The following STK33 variants were observed in gnomAD, a reference collection of about 807,000 sequenced individuals.
STK33 encodes serine/threonine kinase 33, also known as serine/threonine-protein kinase 33.
Under a neutral mutation model 58.0 loss-of-function variants are expected in STK33, and 52 were observed. The observed-to-expected ratio is 0.90, with a 90% confidence interval of 0.72 to 1.13. STK33 has a LOEUF of 1.13. Ranked by LOEUF, STK33 falls within the 50% of genes most tolerant of loss-of-function variation. The probability of loss-of-function intolerance (pLI) is 0.00; values close to 1 mark genes in which losing one functional copy is unlikely to be tolerated. For missense variants in STK33, 630 were observed against 604.2 expected (o/e 1.04, Z -0.45); for synonymous variants, 215 against 200.1 (o/e 1.07, Z -0.63).
chr11:8,420,625 C>T (rs1045890223), intron 14 of STK33, among the ~76,000 whole-genome samples: 4 of 152,198 alleles, frequency 2.6e-5, no homozygotes, highest in African/African-American at 9.6e-5. Flanking sequence ...CCTGAGGTGA[C>T]TGCTATCCAG....
rs187336420 is a variant in STK33, at chr11:8,468,937, C to T, written c.340-4115G>A. ...CAATAGCATTATGTCTAAAAATGTA[C>T]ACAAAATTTTAAAATGCTGCATTGC... On this transcript the variant is annotated intron_variant, in intron 6 of 15. Coordinates refer to ENST00000687296, the MANE Select transcript of STK33 (RefSeq NM_001352389.2). Among the ~76,000 whole-genome samples, 443 of 152,098 alleles carry T rather than the reference C, an allele frequency of 2.9e-3. 1 individual carries two copies. Among genetic ancestry groups the T allele is most frequent in the African/African-American group, 0.01 (426 of 41,512 alleles).
intron 14 of STK33, among the ~76,000 whole-genome samples, chr11:8,416,675 T>C (rs1941177553): frequency 6.6e-6 from 1 of 152,184 alleles, no homozygotes; most frequent in Admixed American, 6.5e-5. Context: ...CCCAAGAGCT[T>C]GGTAGCTGAG....
intron 1 of STK33, among the ~76,000 whole-genome samples, chr11:8,562,262 T>C (rs763911409): frequency 3.2e-4 from 49 of 152,194 alleles, no homozygotes; most frequent in Admixed American, 2.0e-3. Flanking sequence ...ACATAGCTCA[T>C]TGTCATTTCT....
chr11:8,589,179 T>G (rs983766471), intron 1 of STK33, among the ~76,000 whole-genome samples: 19 of 152,092 alleles, frequency 1.2e-4, no homozygotes, highest in African/African-American at 4.3e-4. Flanking sequence ...CCAGAAGAAC[T>G]GATAATATAT....
intron 1 of STK33, among the ~76,000 whole-genome samples, chr11:8,522,366 T>G (rs139133115): frequency 6.6e-6 from 1 of 151,740 alleles, no homozygotes; most frequent in Non-Finnish European, 1.5e-5. Context: ...GAGCAAACTA[T>G]CCCAAGGACA....
chr11:8,472,256 TTG>T (rs35879255), intron 6 of STK33, among the ~76,000 whole-genome samples: 90,669 of 151,376 alleles, frequency 0.6, 27,385 homozygotes, highest in African/African-American at 0.64. Flanking sequence ...CTTGGTAAAC[TTG>T]TGTGTGTGTG....
At chr11:8,574,554 G>A (rs1390365333) in intron 1 of STK33, among the ~76,000 whole-genome samples, 1 of 151,958 alleles carries the variant, frequency 6.6e-6, no homozygotes, top group Non-Finnish European at 1.5e-5. Flanking sequence ...AACATTTAAA[G>A]AAGAAATAAT....
At chr11:8,506,041 C>T (rs1951840866) in intron 1 of STK33, among the ~76,000 whole-genome samples, 1 of 152,154 alleles carries the variant, frequency 6.6e-6, no homozygotes, top group Admixed American at 6.5e-5. Context: ...ATGCCATATA[C>T]TGTATTATTA....
At chr11:8,395,170 T>A (rs1754878859) in intron 15 of STK33, among the ~76,000 whole-genome samples, 2 of 152,186 alleles carry the variant, frequency 1.3e-5, no homozygotes, top group South Asian at 2.1e-4. Context: ...TTTGGCTGTG[T>A]CCCCACCCAA....
intron 11 of STK33, among the ~76,000 whole-genome samples, chr11:8,451,157 G>C (rs1209749304): frequency 6.6e-6 from 1 of 152,168 alleles, no homozygotes. Flanking sequence ...TTTTGTAAAA[G>C]AGTTTGGCAA....
intron 1 of STK33, among the ~76,000 whole-genome samples, chr11:8,537,104 C>G (rs552539099): frequency 6.7e-6 from 1 of 149,758 alleles, no homozygotes; most frequent in Non-Finnish European, 1.5e-5. Context: ...ATCAGCCTCC[C>G]GAGTAGCTGG....
At chr11:8,350,580 C>A in the STK33 span, among the ~76,000 whole-genome samples, 1 of 152,166 alleles carries the variant, frequency 6.6e-6, no homozygotes, top group Non-Finnish European at 1.5e-5. Context: ...TGCCAGCCAC[C>A]CTCATCTTGC....
chr11:8,496,962 T>C (rs937125542), intron 1 of STK33, among the ~76,000 whole-genome samples: 18 of 152,150 alleles, frequency 1.2e-4, no homozygotes, highest in African/African-American at 1.4e-4. Flanking sequence ...AGAGGAAGCA[T>C]TGATTTATCT....
chr11:8,465,920 G>C (rs1254848852), intron 6 of STK33: 1 of 152,506 alleles, frequency 6.6e-6, no homozygotes, highest in East Asian at 1.9e-4. Context: ...AGGCAAGGAG[G>C]AGCATGTCAC....
intron 14 of STK33, among the ~76,000 whole-genome samples, chr11:8,422,959 G>C (rs1942148781): frequency 6.6e-6 from 1 of 150,918 alleles, no homozygotes; most frequent in South Asian, 2.1e-4. Context: ...TCGAGTAGCT[G>C]GGACTACTAC....
At chr11:8,559,213 C>T (rs1352514639) in intron 1 of STK33, among the ~76,000 whole-genome samples, 1 of 152,218 alleles carries the variant, frequency 6.6e-6, no homozygotes, top group African/African-American at 2.4e-5. Flanking sequence ...CTCCTGTCAT[C>T]ATGAGCATTA....
At chr11:8,492,499 A>C (rs1950703450) in intron 1 of STK33, among the ~76,000 whole-genome samples, 1 of 152,040 alleles carries the variant, frequency 6.6e-6, no homozygotes, top group African/African-American at 2.4e-5. Context: ...ATAATAACAG[A>C]AGACTATAAC....
At chr11:8,425,976 G>A (rs1942683279) in intron 14 of STK33, among the ~76,000 whole-genome samples, 1 of 152,128 alleles carries the variant, frequency 6.6e-6, no homozygotes, top group Non-Finnish European at 1.5e-5. Context: ...CAGTGGGTGT[G>A]TGTTACAGGG....
intron 1 of STK33, among the ~76,000 whole-genome samples, chr11:8,492,506 T>G (rs927057252): frequency 6.6e-6 from 1 of 152,052 alleles, no homozygotes; most frequent in Non-Finnish European, 1.5e-5. Flanking sequence ...CAGAAGACTA[T>G]AACACCCCAC....
Sources: gnomAD v4.1 joint callset for allele counts (sites outside exome capture counted in the v4.1 genomes callset) on GRCh38, gnomAD v4.1.1 for gene constraint, MANE v1.5 for transcripts, NCBI Gene and HGNC (gene_info 2026-07-23, HGNC 2026-07-21) for gene names.